The following SH2D3A variants were observed in gnomAD, a reference collection of about 807,000 sequenced individuals.
SH2D3A encodes the protein SH2 domain containing 3A, also known as SH2 domain-containing protein 3A.
SH2D3A carries 46 observed loss-of-function variants against 50.6 expected under a neutral mutation model. That is an observed-to-expected ratio of 0.91 (90% CI 0.72 to 1.16). SH2D3A has a LOEUF of 1.16. Among genes scored for constraint, SH2D3A ranks in the 50% most tolerant of loss-of-function variants. SH2D3A has a pLI of 0.00. For missense variants in SH2D3A, 783 were observed against 786.2 expected, an observed-to-expected ratio of 1.00 and a Z score of 0.05; for synonymous variants, 377 against 348.4, an observed-to-expected ratio of 1.08 and a Z score of -0.91.
chr19:6,752,955 G>A, intron 9 of SH2D3A: 5 of 985,410 alleles, frequency 5.1e-6, no homozygotes, highest in Non-Finnish European at 6.0e-6. Context: ...GGGTGCCTGA[G>A]GGGCTCTACC....
chr19:6,752,644 C>T lies in SH2D3A; in HGVS notation c.1680G>A (p.Lys560=), dbSNP rs1969380392. The T allele has an allele frequency of 1.3e-6, 2 of 1,558,296 alleles. No homozygotes were observed. The highest frequency in any genetic ancestry group is 1.9e-5 in the Admixed American group (1 of 51,832). Residue 560 remains lysine, a synonymous_variant, in exon 10 of 10, where the codon AAG becomes AAA. Coordinates refer to ENST00000245908, the MANE Select transcript of SH2D3A (RefSeq NM_005490.3). ...ACAGGACGCCGAGGACGCGCTGGAA[C>T]TTCTCAAAGCGTTCAGCGCGCGGAG... ...AGAPRAERFE[K]FQRVLGVLSQ...
intron 1 of SH2D3A, chr19:6,764,444 A>T (rs1970195988): frequency 6.6e-6 from 1 of 152,160 alleles, no homozygotes; most frequent in Non-Finnish European, 1.5e-5. Context: ...AGATGACAAC[A>T]TGCCACCCCA....
intron 4 of SH2D3A, chr19:6,757,624 T>C (rs1474774115): frequency 1.3e-5 from 2 of 152,266 alleles, no homozygotes; most frequent in African/African-American, 4.8e-5. Context: ...TATTTTTTTC[T>C]GCAATGGGGC....
At chr19:6,753,410 G>T in intron 9 of SH2D3A, 46 bp downstream of exon 9, 3 of 1,429,458 alleles carry the variant, frequency 2.1e-6, no homozygotes, top group Non-Finnish European at 2.8e-6. Flanking sequence ...GTTAGAACCT[G>T]CAGGGTGCTC....
chr19:6,761,552 G>A (rs1022799416), intron 2 of SH2D3A, among the ~76,000 whole-genome samples: 3 of 152,176 alleles, frequency 2.0e-5, no homozygotes, highest in Non-Finnish European at 4.4e-5. Flanking sequence ...TGCAAATGTG[G>A]CTTCAAGAGA....
At position 6,752,459 on chromosome 19, in the gene SH2D3A, G is replaced by T; in HGVS notation, c.*134C>A. Reference sequence around the variant, plus strand: ...CCATGGTCCAGGTGACCCTGACTGCGGTCCCCACCTCTTCTGTGAGGCACA... The same window carrying T: ...CCATGGTCCAGGTGACCCTGACTGCTGTCCCCACCTCTTCTGTGAGGCACA... On this transcript the variant is annotated 3_prime_UTR_variant, in exon 10 of 10. Transcript: ENST00000245908. 2.6e-6 allele frequency: 2 copies of T among 770,478 alleles called. No individual in the cohort carries two copies. Among genetic ancestry groups the T allele is most frequent in the Non-Finnish European group, 3.7e-6 (2 of 542,904 alleles). The allele number at this position is 770,478 out of a possible 1,614,324, so 47.7% of individuals were successfully genotyped here.
rs957268294 is a variant in SH2D3A at position 6,752,164 on chromosome 19, A to C, written c.*429T>G. ...TAGAAAGTACACAGCCTCAACTTTT[A>C]CATTTTTTAAAAGTTTTTTATTTTT... is the stretch of plus-strand genomic sequence containing the variant. On this transcript the variant is annotated 3_prime_UTR_variant, in exon 10 of 10. Transcript: ENST00000245908. 3 of 156,100 alleles carry C rather than the reference A, an allele frequency of 1.9e-5. No individual in the cohort carries two copies. Among genetic ancestry groups the C allele is most frequent in the African/African-American group, 7.2e-5 (3 of 41,582 alleles). The allele number at this position is 156,100 out of a possible 1,614,324, so 9.7% of individuals were successfully genotyped here.
chr19:6,755,339 A>T, intron 4 of SH2D3A, 24 bp from the exon 5 acceptor site: 1 of 1,462,652 alleles, frequency 6.8e-7, no homozygotes, highest in Non-Finnish European at 9.1e-7. Context: ...AAGAGGGGTC[A>T]ATGGGAATAC....
chr19:6,766,000 G>C (rs1440263332), intron 1 of SH2D3A, among the ~76,000 whole-genome samples: 2 of 152,158 alleles, frequency 1.3e-5, no homozygotes, highest in African/African-American at 2.4e-5. Flanking sequence ...TCCAGAAGAA[G>C]ATAATCTGCT....
rs958103598 is a variant in SH2D3A, at chr19:6,754,849, C to A, written c.963G>T (p.Leu321=). The change falls in exon 5 of 10, where the codon CTG becomes CTT. Residue 321 remains leucine, a synonymous_variant. Transcript: ENST00000245908. ...EHHPGSTALH[L]LLVDCQATGL... ...GACCCACCTGGCAGTCTACCAATAG[C>A]AGGTGAAGGGCGGTGCTCCCAGGAT... 1.9e-6 allele frequency: 3 copies of A among 1,601,274 alleles called. No homozygotes were observed. The highest frequency in any genetic ancestry group is 1.7e-5 in the Admixed American group (1 of 59,524).
At chr19:6,752,975 T>C in intron 9 of SH2D3A, 1 of 984,492 alleles carries the variant, frequency 1.0e-6, no homozygotes, top group Non-Finnish European at 1.2e-6. Flanking sequence ...CGCAGTGCAA[T>C]GGGGTGGCCT....
Position 6,754,814 on chromosome 19 carries a change from C to T in SH2D3A, c.981+17G>A. On this transcript the variant is annotated intron_variant, in intron 5 of 9. Coordinates refer to ENST00000245908, the MANE Select transcript of SH2D3A (RefSeq NM_005490.3). Reference sequence around the variant, plus strand: ...TTGCCCTGGGCCTGGGGAGGAGCATCCCAGGAGGTGACCCACCTGGCAGTC... The same window carrying T: ...TTGCCCTGGGCCTGGGGAGGAGCATTCCAGGAGGTGACCCACCTGGCAGTC... 1 of 1,609,476 alleles carries T rather than the reference C, an allele frequency of 6.2e-7. No homozygotes were observed. The highest frequency in any genetic ancestry group is 8.5e-7 in the Non-Finnish European group (1 of 1,176,856).
rs550178751 is a variant in SH2D3A at position 6,765,260 on chromosome 19, TGTGACCAG to T, written c.-68-1452_-68-1445del. ...CAGGCTGGGTGAACATTTTTGATCATGTGACCAGGAAAGGTCTCATTGAGTAAAGTCTG... is the reference window on the plus strand; with the variant it reads ...CAGGCTGGGTGAACATTTTTGATCATGAAAGGTCTCATTGAGTAAAGTCTG... On this transcript the variant is annotated intron_variant, in intron 1 of 9. Coordinates refer to ENST00000245908, the MANE Select transcript of SH2D3A (RefSeq NM_005490.3). 2.1e-4 allele frequency among the ~76,000 whole-genome samples: 32 copies of T among 152,170 alleles called. No individual in the cohort carries two copies. The South Asian group carries it at 6.6e-3, about 32-fold the overall frequency.
chr19:6,754,167 GGAGAA>G lies in SH2D3A; in HGVS notation c.1273-9_1273-5del. On this transcript the variant is annotated splice_polypyrimidine_tract_variant and splice_region_variant and intron_variant, in intron 7 of 9. Transcript: ENST00000245908. ...ACGTGTGCTCCAACCGGGACACCTG[GGAGAA>G]GAGATCTGAGCACGCCTCCTCTCCA... 4 of 1,612,408 alleles carry G rather than the reference GGAGAA, an allele frequency of 2.5e-6. No individual in the cohort carries two copies. Among genetic ancestry groups the G allele is most frequent in the Non-Finnish European group, 2.5e-6 (3 of 1,179,402 alleles).
At chr19:6,755,341 T>A in intron 4 of SH2D3A, 26 bp from the exon 5 acceptor site, 1 of 1,458,540 alleles carries the variant, frequency 6.9e-7, no homozygotes, top group Non-Finnish European at 9.1e-7. Flanking sequence ...GAGGGGTCAA[T>A]GGGAATACAC....
In SH2D3A at chr19:6,763,831, T is replaced by G; in HGVS notation, c.-68-15A>C. The G allele has an allele frequency of 8.9e-7, 1 of 1,119,088 alleles. No homozygotes were observed. The highest frequency in any genetic ancestry group is 1.3e-6 in the Non-Finnish European group (1 of 761,492). The allele number at this position is 1,119,088 out of a possible 1,614,324, so 69.3% of individuals were successfully genotyped here. On this transcript the variant is annotated splice_polypyrimidine_tract_variant and intron_variant, in intron 1 of 9. Coordinates refer to ENST00000245908, the MANE Select transcript of SH2D3A (RefSeq NM_005490.3). ...GTCTTCCACATCTGTAAAAGGGGAA[T>G]AATTAGCCCTGCTTGAGTGTCTGGG...
Position 6,752,558 on chromosome 19 carries a change from G to C in SH2D3A, c.*35C>G. On this transcript the variant is annotated 3_prime_UTR_variant, in exon 10 of 10. Coordinates refer to ENST00000245908, the MANE Select transcript of SH2D3A (RefSeq NM_005490.3). ...TCTCTTCTGGGGTTCGCAAAAACCT[G>C]GGGGTCCCGGGTGTGAAGAAGGGTG... 1 of 1,486,068 alleles carries C rather than the reference G, an allele frequency of 6.7e-7. No individual in the cohort carries two copies. Among genetic ancestry groups the C allele is most frequent in the Non-Finnish European group, 9.0e-7 (1 of 1,113,690 alleles). 92.1% of individuals were successfully genotyped at this position (1,486,068 alleles called of 1,614,324 possible).
intron 1 of SH2D3A, 93 bp from the exon 2 acceptor site, chr19:6,763,909 T>C: frequency 4.1e-5 from 11 of 269,408 alleles, no homozygotes; most frequent in African/African-American, 1.8e-4. Flanking sequence ...TCAAATCTTT[T>C]TTTTTTTTTT....
chr19:6,762,808 C>A (rs1472615934), intron 2 of SH2D3A, among the ~76,000 whole-genome samples: 4 of 151,440 alleles, frequency 2.6e-5, no homozygotes, highest in Admixed American at 6.6e-5. Context: ...CATGAGCCAA[C>A]ATGCCTGGCC....
Sources: allele counts gnomAD v4.1 joint callset (sites outside exome capture counted in the v4.1 genomes callset), GRCh38; gene constraint gnomAD v4.1.1; transcripts MANE v1.5; gene names NCBI Gene and HGNC (gene_info 2026-07-23, HGNC 2026-07-21).